The following RFX2 variants were observed in gnomAD, a reference collection of about 807,000 sequenced individuals.
RFX2 encodes the protein regulatory factor X2, also known as DNA-binding protein RFX2.
Under a neutral mutation model 87.8 loss-of-function variants are expected in RFX2, and 20 were observed. The ratio of observed to expected loss-of-function variants is 0.23; its 90% CI spans 0.16 to 0.33. The LOEUF is 0.33. Ranked by LOEUF, RFX2 falls within the 10% of genes least tolerant of loss-of-function variation. The probability of loss-of-function intolerance (pLI) is 1.00; values close to 1 mark genes in which losing one functional copy is unlikely to be tolerated. For missense variants in RFX2, 767 were observed against 1,012.3 expected (o/e 0.76, Z 3.29); for synonymous variants, 397 against 431.3 (o/e 0.92, Z 0.98).
intron 3 of RFX2, among the ~76,000 whole-genome samples, chr19:6,043,667 C>T (rs553848026): frequency 3.9e-5 from 6 of 152,324 alleles, no homozygotes; most frequent in African/African-American, 1.2e-4. Flanking sequence ...GACCACAAAC[C>T]CCCAAAAATG....
In RFX2 at chr19:6,017,515, G is replaced by A. The variant is rs1355910963; in HGVS notation, c.598-1244C>T. On this transcript the variant is annotated intron_variant, in intron 6 of 17. Transcript: ENST00000303657. This position sits in a 1 kb window ranked among gnomAD's most constrained non-coding sequence, Gnocchi z 4.1. ...TATGTGAATACAAAAGGCTTGCACT[G>A]ATGCCTGCGATTTGCAGAAAGACAG... 6.6e-6 allele frequency among the ~76,000 whole-genome samples: 1 copy of A among 152,250 alleles called. No homozygotes were observed. Among genetic ancestry groups the A allele is most frequent in the African/African-American group, 2.4e-5 (1 of 41,468 alleles).
In RFX2 at chr19:6,014,599, G is replaced by T. The variant is rs549578668; in HGVS notation, c.779+1491C>A. Among the ~76,000 whole-genome samples, 11 of 152,204 alleles carry T rather than the reference G, an allele frequency of 7.2e-5. No homozygotes were observed. The South Asian group carries it at 2.3e-3, about 32-fold the overall frequency. On this transcript the variant is annotated intron_variant, in intron 7 of 17. Transcript: ENST00000303657. ...ACAGCCTGGGCCCTTTCTAGATGAG[G>T]TACATGTTTAGCCAGGTGCTCGGAG...
In RFX2 at chr19:6,016,339, CA is replaced by C; in HGVS notation, c.598-69del. ...GAACGCTAACATGCCAACGTGGACT[CA>C]TTAAGAGAATTACTTGCGTTCCCTG... On this transcript the variant is annotated intron_variant, in intron 6 of 17. Transcript: ENST00000303657. This position sits in a 1 kb window ranked among gnomAD's most constrained non-coding sequence, Gnocchi z 5.4. 2 of 1,139,118 alleles carry C rather than the reference CA, an allele frequency of 1.8e-6. No individual in the cohort carries two copies. The highest frequency in any genetic ancestry group is 2.5e-6 in the Non-Finnish European group (2 of 807,602). The allele number at this position is 1,139,118 out of a possible 1,614,324, so 70.6% of individuals were successfully genotyped here.
chr19:6,097,990 G>A (rs1033175048), intron 1 of RFX2, among the ~76,000 whole-genome samples: 6 of 151,968 alleles, frequency 3.9e-5, no homozygotes, highest in Non-Finnish European at 8.8e-5. Flanking sequence ...TGATTCTGTG[G>A]CCAACGTAAC....
Position 6,001,554 on chromosome 19 carries a change from A to C in RFX2, c.1859+261T>G, listed in dbSNP as rs2086489691. On this transcript the variant is annotated intron_variant, in intron 15 of 17. Coordinates refer to ENST00000303657, the MANE Select transcript of RFX2 (RefSeq NM_000635.4). The surrounding 1 kb of genome is among the most constrained non-coding windows in gnomAD (Gnocchi z 5.6). The stretch of plus-strand genomic sequence containing the variant: ...ATTATAAGTATGAGCCACCATGCCC[A>C]GCCCTCAGTGATGATTTCTGTCTGC... 6.6e-6 allele frequency among the ~76,000 whole-genome samples: 1 copy of C among 152,204 alleles called. No individual in the cohort carries two copies. Among genetic ancestry groups the C allele is most frequent in the South Asian group, 2.1e-4 (1 of 4,830 alleles).
intron 1 of RFX2, among the ~76,000 whole-genome samples, chr19:6,087,237 G>A (rs989013691): frequency 2.0e-5 from 3 of 152,104 alleles, no homozygotes; most frequent in Non-Finnish European, 4.4e-5. Context: ...GAAGCGAGAC[G>A]CACACCCGTC....
chr19:6,024,004 T>A lies in RFX2; in HGVS notation c.597+2159A>T, dbSNP rs913626895. On this transcript the variant is annotated intron_variant, in intron 6 of 17. Coordinates refer to ENST00000303657, the MANE Select transcript of RFX2 (RefSeq NM_000635.4). This position sits in a 1 kb window ranked among gnomAD's most constrained non-coding sequence, Gnocchi z 5.0. The stretch of plus-strand genomic sequence containing the variant: ...CATGTTGGTCAGGCTGGTCTGGAAC[T>A]CCTGACCTCAAGTGGTACACCCGCC... 6.6e-6 allele frequency among the ~76,000 whole-genome samples: 1 copy of A among 152,168 alleles called. No individual in the cohort carries two copies. The highest frequency in any genetic ancestry group is 1.5e-5 in the Non-Finnish European group (1 of 68,026).
At chr19:6,078,561 G>T (rs1320051607) in intron 1 of RFX2, among the ~76,000 whole-genome samples, 1 of 152,018 alleles carries the variant, frequency 6.6e-6, no homozygotes, top group African/African-American at 2.4e-5. Context: ...TCAAATATTT[G>T]CAGAATAAAT....
chr19:6,036,653 A>G (rs887421118), intron 5 of RFX2, among the ~76,000 whole-genome samples: 4 of 152,232 alleles, frequency 2.6e-5, no homozygotes, highest in African/African-American at 7.2e-5. Flanking sequence ...TGATGCTTAC[A>G]TATGTAAAAA....
rs1465330121 is a variant in RFX2 at position 6,101,566 on chromosome 19, A to G, written c.-9+8827T>C. Among the ~76,000 whole-genome samples, 1 of 152,264 alleles carries G rather than the reference A, an allele frequency of 6.6e-6. No homozygotes were observed. Among genetic ancestry groups the G allele is most frequent in the African/African-American group, 2.4e-5 (1 of 41,466 alleles). On this transcript the variant is annotated intron_variant, in intron 1 of 17. Transcript: ENST00000303657. This position sits in a 1 kb window ranked among gnomAD's most constrained non-coding sequence, Gnocchi z 4.9. ...AAAGATAAACAGTTTGCATTTTTAAAAAAGTATAATTAAGTGCTGTTGCAG... is the reference window on the plus strand; with the variant it reads ...AAAGATAAACAGTTTGCATTTTTAAGAAAGTATAATTAAGTGCTGTTGCAG...
rs1156483792 is a variant in RFX2 at position 6,107,616 on chromosome 19, C to CAAAAAAAAAAA, written c.-9+2766_-9+2776dup. Among the ~76,000 whole-genome samples the CAAAAAAAAAAA allele has an allele frequency of 6.4e-3, 201 of 31,552 alleles. 18 individuals are homozygous for CAAAAAAAAAAA. Among genetic ancestry groups the CAAAAAAAAAAA allele is most frequent in the Non-Finnish European group, 7.9e-3 (131 of 16,530 alleles). 20.7% of individuals were successfully genotyped at this position (31,552 alleles called of 152,430 possible). On this transcript the variant is annotated intron_variant, in intron 1 of 17. Transcript: ENST00000303657. ...TGGGTGACAGAGTGAGACCCTGTCT[C>CAAAAAAAAAAA]AAAAAAAAAAAAAAAAAAAAAAAAA...
intron 1 of RFX2, among the ~76,000 whole-genome samples, chr19:6,107,688 G>A (rs1432068255): frequency 7.1e-6 from 1 of 140,500 alleles, no homozygotes; most frequent in Non-Finnish European, 1.5e-5. Context: ...TAATATTAAA[G>A]TTAAGCCAAT....
At position 6,047,518 on chromosome 19, in the gene RFX2, G is replaced by C; in HGVS notation, c.-8-14C>G. 6.3e-7 allele frequency: 1 copy of C among 1,590,164 alleles called. No homozygotes were observed. Among genetic ancestry groups the C allele is most frequent in the Non-Finnish European group, 8.6e-7 (1 of 1,166,846 alleles). On this transcript the variant is annotated splice_polypyrimidine_tract_variant and intron_variant, in intron 1 of 17. Coordinates refer to ENST00000303657, the MANE Select transcript of RFX2 (RefSeq NM_000635.4). This position sits in a 1 kb window ranked among gnomAD's most constrained non-coding sequence, Gnocchi z 4.2. ...GCATGCTCAGGTCTAAAGAAAGGCGGAGAGAGATTGGGTGGGCAAGGGCTG... is the reference window on the plus strand; with the variant it reads ...GCATGCTCAGGTCTAAAGAAAGGCGCAGAGAGATTGGGTGGGCAAGGGCTG...
chr19:5,999,673 G>T lies in RFX2; in HGVS notation c.1859+2142C>A, dbSNP rs76910885. Among the ~76,000 whole-genome samples, 15,704 of 152,198 alleles carry T rather than the reference G, an allele frequency of 0.1. 931 individuals are homozygous for T. The highest frequency in any genetic ancestry group is 0.18 in the Middle Eastern group (54 of 292). On this transcript the variant is annotated intron_variant, in intron 15 of 17. Transcript: ENST00000303657. The surrounding 1 kb of genome is among the most constrained non-coding windows in gnomAD (Gnocchi z 4.1). ...AGTGAGGTCCCGGCACTCGGGTAGC[G>T]TGCCTGATCATGCAGGAGACAGACA...
chr19:6,078,417 T>C (rs1056462016), intron 1 of RFX2: 2 of 150,980 alleles, frequency 1.3e-5, no homozygotes, highest in African/African-American at 4.9e-5. Flanking sequence ...TAGAAACAAA[T>C]GTTCATCAAC....
rs1161755582 is a variant in RFX2, at chr19:6,001,695, C to G, written c.1859+120G>C. On this transcript the variant is annotated intron_variant, in intron 15 of 17. Coordinates refer to ENST00000303657, the MANE Select transcript of RFX2 (RefSeq NM_000635.4). The surrounding 1 kb of genome is among the most constrained non-coding windows in gnomAD (Gnocchi z 5.6). ...TTGTTTTTTGCGGGTTCAGACACTG[C>G]TGCAACTCTGCTGAGCCCTGTTTTG... 2.4e-6 allele frequency: 2 copies of G among 843,968 alleles called. No individual in the cohort carries two copies. Among genetic ancestry groups the G allele is most frequent in the Non-Finnish European group, 1.8e-6 (1 of 561,874 alleles). 52.3% of individuals were successfully genotyped at this position (843,968 alleles called of 1,614,324 possible).
chr19:6,097,511 G>A (rs148456402), intron 1 of RFX2, among the ~76,000 whole-genome samples: 1 of 152,236 alleles, frequency 6.6e-6, no homozygotes, highest in East Asian at 1.9e-4. Flanking sequence ...CTTTTACAAG[G>A]ATTAGAAGTA....
intron 2 of RFX2, among the ~76,000 whole-genome samples, chr19:6,046,554 G>A (rs544173946): frequency 0.016 from 2,174 of 133,958 alleles, 43 homozygotes; most frequent in African/African-American, 0.058. Flanking sequence ...GCGAGACTCC[G>A]TCCCCCCCCA....
At chr19:6,081,195 C>T (rs2144858737) in intron 1 of RFX2, among the ~76,000 whole-genome samples, 1 of 152,296 alleles carries the variant, frequency 6.6e-6, no homozygotes, top group Non-Finnish European at 1.5e-5. Flanking sequence ...ACATTCACTA[C>T]TTTAAAAAAG....
Sources: gnomAD v4.1 joint callset for allele counts (sites outside exome capture counted in the v4.1 genomes callset) on GRCh38, gnomAD v4.1.1 for gene constraint, Gnocchi (gnomAD v3.1) non-coding constraint, MANE v1.5 for transcripts, NCBI Gene and HGNC (gene_info 2026-07-23, HGNC 2026-07-21) for gene names.